The following RPF2 variants were observed in gnomAD, a reference collection of about 807,000 sequenced individuals.
RPF2 encodes brix domain containing 1.
Under a neutral mutation model 38.9 loss-of-function variants are expected in RPF2, and 21 were observed. The ratio of observed to expected loss-of-function variants is 0.54; its 90% confidence interval spans 0.38 to 0.78. The LOEUF is 0.78. RPF2 is among the 30% of genes least tolerant of loss of function. RPF2 has a pLI of 0.00. For missense variants in RPF2, 314 were observed against 358.1 expected (o/e 0.88, Z 0.99); for synonymous variants, 121 against 126.2 (o/e 0.96, Z 0.28).
chr6:110,984,881 AT>A (rs35242084), intron 1 of RPF2, 124 bp from the exon 2 acceptor site: 11 of 1,034,258 alleles, frequency 1.1e-5, no homozygotes, highest in African/African-American at 3.3e-5. Flanking sequence ...AGAAAGTGAG[AT>A]TTTTTTTAAG....
intron 6 of RPF2, among the ~76,000 whole-genome samples, chr6:111,005,712 C>T (rs1379806407): frequency 6.6e-6 from 1 of 152,134 alleles, no homozygotes; most frequent in African/African-American, 2.4e-5. Context: ...TCATGGCAGC[C>T]TGGACTTCCC....
chr6:111,001,486 T>A (rs940686409), intron 6 of RPF2, among the ~76,000 whole-genome samples: 1 of 151,970 alleles, frequency 6.6e-6, no homozygotes, highest in Non-Finnish European at 1.5e-5. Flanking sequence ...CAAGCAATCC[T>A]CCCACCTCAG....
Position 111,025,797 on chromosome 6 carries a change from A to C in RPF2, c.*215A>C. The C allele has an allele frequency of 2.9e-6, 1 of 347,978 alleles. No individual in the cohort carries two copies. Among genetic ancestry groups the C allele is most frequent in the Non-Finnish European group, 5.2e-6 (1 of 193,508 alleles). 21.6% of individuals were successfully genotyped at this position (347,978 alleles called of 1,614,324 possible). A position where few individuals can be genotyped will look rare whatever the true frequency, so the allele number is the denominator to read the frequency against. On this transcript the variant is annotated 3_prime_UTR_variant, in exon 10 of 10. Coordinates refer to ENST00000441448, the MANE Select transcript of RPF2 (RefSeq NM_032194.3). ...CCCTGGTGTGCCATTTTCTCTTGTG[A>C]TATCCCCTGCCCTCCACAAATTCTT... is the stretch of plus-strand genomic sequence containing the variant.
Position 110,998,251 on chromosome 6 carries a change from G to A in RPF2, c.316+987G>A, listed in dbSNP as rs563521827. ...GGATGAGCTGTCTGCCTGTGCAGTG[G>A]CCTGCCAGCACTGGGAGGGGCCACA... On this transcript the variant is annotated intron_variant, in intron 5 of 9. Coordinates refer to ENST00000441448, the MANE Select transcript of RPF2 (RefSeq NM_032194.3). Among the ~76,000 whole-genome samples, 25 of 152,044 alleles carry A rather than the reference G, an allele frequency of 1.6e-4. 1 individual carries two copies. Among genetic ancestry groups the A allele is most frequent in the Middle Eastern group, 3.4e-3 (1 of 294 alleles).
chr6:110,991,863 T>C, intron 4 of RPF2, 77 bp downstream of exon 4: 1 of 518,400 alleles, frequency 1.9e-6, no homozygotes, highest in Non-Finnish European at 3.3e-6. Flanking sequence ...GTACTCCAAA[T>C]TTGTGATTTT....
At chr6:110,982,778 A>G (rs1410173521) in intron 1 of RPF2, among the ~76,000 whole-genome samples, 1 of 152,246 alleles carries the variant, frequency 6.6e-6, no homozygotes, top group African/African-American at 2.4e-5. Flanking sequence ...CTAAGTTAAC[A>G]TGTATCCAAA....
At chr6:111,016,891 A>C (rs9374245) in intron 8 of RPF2, among the ~76,000 whole-genome samples, 10 of 150,908 alleles carry the variant, frequency 6.6e-5, no homozygotes, top group African/African-American at 2.4e-4. Flanking sequence ...GACTCTTAAC[A>C]AGCATGCTGC....
At chr6:111,010,888 G>T (rs1195879018) in intron 7 of RPF2, among the ~76,000 whole-genome samples, 1 of 152,016 alleles carries the variant, frequency 6.6e-6, no homozygotes, top group Non-Finnish European at 1.5e-5. Context: ...CCATTCTTGG[G>T]ATTATAATTT....
At chr6:111,019,858 T>G (rs931773382) in intron 8 of RPF2, among the ~76,000 whole-genome samples, 1 of 152,210 alleles carries the variant, frequency 6.6e-6, no homozygotes, top group African/African-American at 2.4e-5. Flanking sequence ...TCATTATACG[T>G]ATGCAAGTAT....
chr6:110,989,101 T>C, intron 3 of RPF2, 36 bp downstream of exon 3: 1 of 1,485,098 alleles, frequency 6.7e-7, no homozygotes, highest in Non-Finnish European at 8.9e-7. Context: ...TTTTAAATGA[T>C]TTTGTTTCAT....
chr6:111,016,283 A>G (rs1384818678), intron 8 of RPF2, among the ~76,000 whole-genome samples: 1 of 152,110 alleles, frequency 6.6e-6, no homozygotes, highest in African/African-American at 2.4e-5. Flanking sequence ...TTCTACCCCT[A>G]CCACAATATA....
chr6:110,991,779 C>T lies in RPF2; in HGVS notation c.227C>T (p.Thr76Ile). The change falls in exon 4 of 10, where the codon ACA becomes ATA. Residue 76 changes from threonine (T) to isoleucine (I), a missense_variant. Physicochemically the swap from Thr to Ile is moderately conservative, Grantham distance 89 (BLOSUM62 -1). Transcript: ENST00000441448. ...ATTACAAGACCTTTTGAGGATCAGA[C>T]ATCACTGGTAAGTATAATAATCTTT... ...KNITRPFEDQ[T>I]SLEFFSKKSD... 8.2e-7 allele frequency: 1 copy of T among 1,220,068 alleles called. No homozygotes were observed. Among genetic ancestry groups the T allele is most frequent in the South Asian group, 1.5e-5 (1 of 66,060 alleles). The allele number at this position is 1,220,068 out of a possible 1,614,324, so 75.6% of individuals were successfully genotyped here. A position where few individuals can be genotyped will look rare whatever the true frequency, so the allele number is the denominator to read the frequency against.
chr6:111,008,192 C>T, intron 7 of RPF2, 55 bp downstream of exon 7: 1 of 1,514,300 alleles, frequency 6.6e-7, no homozygotes, highest in South Asian at 1.4e-5. Flanking sequence ...CAGTCTCAGA[C>T]TCTCACTGGT....
intron 7 of RPF2, among the ~76,000 whole-genome samples, chr6:111,009,031 C>G (rs1427872599): frequency 6.6e-6 from 1 of 151,732 alleles, no homozygotes; most frequent in Non-Finnish European, 1.5e-5. Flanking sequence ...TCCCGAGTAG[C>G]TGGGATTACA....
chr6:110,995,451 T>A (rs1771694742), intron 4 of RPF2, among the ~76,000 whole-genome samples: 1 of 152,148 alleles, frequency 6.6e-6, no homozygotes, highest in African/African-American at 2.4e-5. Context: ...GGGTAGTTGT[T>A]TGCCATTTAT....
At chr6:110,982,606 C>G (rs929158397) in intron 1 of RPF2, 3 of 157,834 alleles carry the variant, frequency 1.9e-5, no homozygotes, top group Admixed American at 6.5e-5. Flanking sequence ...GTATGTAGAG[C>G]CTTTGCTGCA....
Position 110,991,774 on chromosome 6 carries a change from T to G in RPF2, c.222T>G (p.Asp74Glu), listed in dbSNP as rs747354297. ...KKKNITRPFE[D>E]QTSLEFFSKK... The stretch of plus-strand genomic sequence containing the variant: ...AAAATATTACAAGACCTTTTGAGGA[T>G]CAGACATCACTGGTAAGTATAATAA... Residue 74 changes from aspartate to glutamate, a missense_variant, in exon 4 of 10, where the codon GAT (aspartate) becomes GAG (glutamate). Transcript: ENST00000441448. The G allele has an allele frequency of 8.1e-7, 1 of 1,233,962 alleles. No homozygotes were observed. The highest frequency in any genetic ancestry group is 2.3e-5 in the Admixed American group (1 of 43,792). The allele number at this position is 1,233,962 out of a possible 1,614,324, so 76.4% of individuals were successfully genotyped here. A position where few individuals can be genotyped will look rare whatever the true frequency, so the allele number is the denominator to read the frequency against.
chr6:111,016,593 G>GGAA (rs1772113366), intron 8 of RPF2, among the ~76,000 whole-genome samples: 1 of 141,328 alleles, frequency 7.1e-6, no homozygotes, highest in Non-Finnish European at 1.5e-5. Context: ...TGAGGGCGCT[G>GGAA]AAAAAACAAA....
intron 3 of RPF2, among the ~76,000 whole-genome samples, chr6:110,989,354 T>TA (rs1771578614): frequency 6.6e-6 from 1 of 152,222 alleles, no homozygotes; most frequent in South Asian, 2.1e-4. Flanking sequence ...CCCCTAATGT[T>TA]ACATCTTGCA....
Sources: gnomAD v4.1 joint callset for allele counts (sites outside exome capture counted in the v4.1 genomes callset) on GRCh38, gnomAD v4.1.1 for gene constraint, MANE v1.5 for transcripts, NCBI Gene and HGNC (gene_info 2026-07-23, HGNC 2026-07-21) for gene names.